Variants in COPZ1 observed in about 807,000 individuals in gnomAD.
COPZ1 encodes the protein coat protein complex I subunit zeta 1, also known as coatomer subunit zeta-1.
A neutral mutation model predicts 31.7 loss-of-function variants in COPZ1; 4 were observed. The observed-to-expected ratio is 0.13, with a 90% CI of 0.06 to 0.29. The LOEUF is 0.29. COPZ1 is among the 10% of genes least tolerant of loss of function. The pLI, the probability that COPZ1 is intolerant of heterozygous loss-of-function variation, is 1.00. For synonymous variants in COPZ1, 74 were observed against 79.0 expected (o/e 0.94, Z 0.33); for missense variants, 156 against 211.5 (o/e 0.74, Z 1.63).
At chr12:54,337,121 G>A (rs1592202676) in intron 1 of COPZ1, 1 of 524,964 alleles carries the variant, frequency 1.9e-6, no homozygotes, top group Non-Finnish European at 3.9e-6. Context: ...CTTGAGGACA[G>A]CATTCTTGTT....
intron 3 of COPZ1, chr12:54,342,619 CCT>C (rs1056182265): frequency 3.3e-5 from 10 of 306,098 alleles, no homozygotes. Flanking sequence ...TGCATTTTCA[CCT>C]CCGAAGGATC....
At chr12:54,328,168 C>G (rs899295199) in intron 1 of COPZ1, among the ~76,000 whole-genome samples, 4 of 150,342 alleles carry the variant, frequency 2.7e-5, no homozygotes, top group Non-Finnish European at 5.9e-5. Flanking sequence ...CCCAACTACT[C>G]AGGAGGCTGA....
chr12:54,346,109 G>A (rs1406035118), intron 5 of COPZ1, among the ~76,000 whole-genome samples: 1 of 152,012 alleles, frequency 6.6e-6, no homozygotes, highest in Non-Finnish European at 1.5e-5. Flanking sequence ...GTTTACTCTT[G>A]TAATCCCCTG....
intron 8 of COPZ1, chr12:54,349,949 T>C: frequency 1.7e-6 from 1 of 593,434 alleles, no homozygotes; most frequent in Non-Finnish European, 3.0e-6. Context: ...CAGCAGAGGC[T>C]TGCCTTAAGC....
At chr12:54,333,162 G>A (rs1452543106) in intron 1 of COPZ1, among the ~76,000 whole-genome samples, 1 of 152,102 alleles carries the variant, frequency 6.6e-6, no homozygotes, top group East Asian at 1.9e-4. Flanking sequence ...TCATGCCTCA[G>A]CCTCCTGAAT....
At chr12:54,331,397 C>T (rs1953751975) in intron 1 of COPZ1, among the ~76,000 whole-genome samples, 2 of 151,902 alleles carry the variant, frequency 1.3e-5, no homozygotes, top group African/African-American at 4.8e-5. Flanking sequence ...GCCAAGCTGG[C>T]CTCGAACTCC....
At chr12:54,338,756 C>T (rs1016812988) in intron 1 of COPZ1, among the ~76,000 whole-genome samples, 1 of 152,160 alleles carries the variant, frequency 6.6e-6, no homozygotes, top group African/African-American at 2.4e-5. Context: ...AACCAGCGAA[C>T]AAAACAAAAA....
At chr12:54,341,396 C>T (rs572992812) in intron 2 of COPZ1, among the ~76,000 whole-genome samples, 1 of 152,212 alleles carries the variant, frequency 6.6e-6, no homozygotes, top group Non-Finnish European at 1.5e-5. Flanking sequence ...TATTCTCCCC[C>T]TCCTGTAGAA....
rs959541930 is a variant in COPZ1, at chr12:54,343,303, C to G, written c.248C>G (p.Ser83Cys). The G allele has an allele frequency of 6.2e-7, 1 of 1,613,186 alleles. No individual in the cohort carries two copies. Among genetic ancestry groups the G allele is most frequent in the Non-Finnish European group, 8.5e-7 (1 of 1,179,216 alleles). Residue 83 changes from serine (S) to cysteine (C), a missense_variant, in exon 4 of 9, where the codon TCC (serine) becomes TGC (cysteine). Transcript: ENST00000262061. ...CTCTATTTCTATGTGATTGGCAGCT[C>G]CTATGAAAATGAGGTGAGAATCCCC... ...IDLYFYVIGS[S>C]YENELMLMAV...
At chr12:54,330,719 CT>C (rs1214385507) in intron 1 of COPZ1, among the ~76,000 whole-genome samples, 1 of 152,158 alleles carries the variant, frequency 6.6e-6, no homozygotes, top group African/African-American at 2.4e-5. Flanking sequence ...CTGTTTCTTA[CT>C]TTACTCCATT....
At chr12:54,340,752 A>T (rs562086055) in intron 2 of COPZ1, 137 bp downstream of exon 2, 13 of 953,336 alleles carry the variant, frequency 1.4e-5, no homozygotes, top group Admixed American at 3.0e-5. Context: ...TTTTTTTGAG[A>T]TGGAGTTTCG....
chr12:54,337,042 AAAG>A (rs377645695), intron 1 of COPZ1, among the ~76,000 whole-genome samples: 9 of 145,180 alleles, frequency 6.2e-5, no homozygotes, highest in African/African-American at 1.7e-4. Flanking sequence ...AAAAAAAAAA[AAAG>A]AAGCCCCTGA....
chr12:54,347,896 C>T (rs1402425652), intron 6 of COPZ1, 52 bp downstream of exon 6: 13 of 1,604,854 alleles, frequency 8.1e-6, no homozygotes, highest in African/African-American at 1.3e-5. Context: ...GATAACTGCC[C>T]CTGTCCTAAG....
chr12:54,332,734 T>TA (rs1208909795), intron 1 of COPZ1, among the ~76,000 whole-genome samples: 48 of 140,266 alleles, frequency 3.4e-4, no homozygotes, highest in East Asian at 2.2e-3. Context: ...AACTCAGTCT[T>TA]AAAAAAAAAA....
intron 2 of COPZ1, among the ~76,000 whole-genome samples, chr12:54,341,619 T>C (rs1216120206): frequency 6.6e-6 from 1 of 152,224 alleles, no homozygotes; most frequent in Non-Finnish European, 1.5e-5. Context: ...GAGCTAGCGA[T>C]TTAGCAGCCT....
At chr12:54,325,381 G>T in intron 1 of COPZ1, 200 bp downstream of exon 1, 1 of 675,160 alleles carries the variant, frequency 1.5e-6, no homozygotes, top group South Asian at 2.0e-5. Context: ...CCGGGGAGAG[G>T]GCATAGAGTC....
intron 2 of COPZ1, among the ~76,000 whole-genome samples, chr12:54,340,990 C>T (rs1953964717): frequency 6.6e-6 from 1 of 152,192 alleles, no homozygotes; most frequent in East Asian, 1.9e-4. Context: ...TGAGCCACCA[C>T]ACCCGGCCTG....
At chr12:54,337,746 G>T (rs1284504923) in intron 1 of COPZ1, among the ~76,000 whole-genome samples, 1 of 152,220 alleles carries the variant, frequency 6.6e-6, no homozygotes, top group Non-Finnish European at 1.5e-5. Flanking sequence ...TCCTCCTTTG[G>T]AAGTTTGAAA....
At chr12:54,346,270 CTTT>C (rs1029430029) in intron 5 of COPZ1, among the ~76,000 whole-genome samples, 3 of 138,422 alleles carry the variant, frequency 2.2e-5, no homozygotes, top group Admixed American at 1.5e-4. Flanking sequence ...ATTTTTTTTT[CTTT>C]TTTTTTTTTT....
Sources: gnomAD v4.1 joint callset for allele counts (sites outside exome capture counted in the v4.1 genomes callset) on GRCh38, gnomAD v4.1.1 for gene constraint, MANE v1.5 for transcripts, NCBI Gene and HGNC (gene_info 2026-07-23, HGNC 2026-07-21) for gene names.